The following DMD variants were observed in gnomAD, a reference collection of about 807,000 sequenced individuals.
DMD encodes mutant dystrophin.
Under a neutral mutation model 330.1 loss-of-function variants are expected in DMD, and 63 were observed. That is an observed-to-expected ratio of 0.19 (90% CI 0.16 to 0.24). The LOEUF (loss-of-function observed/expected upper bound fraction) is 0.24. Among genes scored for constraint, DMD ranks in the 10% least tolerant of loss-of-function variants. The pLI, the probability that DMD is intolerant of heterozygous loss-of-function variation, is 1.00. For missense variants in DMD, 3,344 were observed against 2,684.1 expected (o/e 1.25, Z -5.43); for synonymous variants, 1,223 against 959.8 (o/e 1.27, Z -5.07).
chrX:32,292,128 C>G (rs192991634), intron 42 of DMD, among the ~76,000 whole-genome samples: 2 of 109,664 alleles, frequency 1.8e-5, no homozygotes, highest in Non-Finnish European at 3.8e-5. Flanking sequence ...TATATAATCT[C>G]CAAGATCCAC....
At chrX:31,123,508 T>G (rs981548828) in intron 78 of DMD, among the ~76,000 whole-genome samples, 3 of 112,028 alleles carry the variant, frequency 2.7e-5, no homozygotes, top group African/African-American at 9.7e-5. Context: ...AGTGGGGCCT[T>G]TGCTGCTCCT....
At chrX:32,818,044 C>T (rs1190354722) in intron 5 of DMD, among the ~76,000 whole-genome samples, 1 of 111,846 alleles carries the variant, frequency 8.9e-6, no homozygotes, top group East Asian at 2.8e-4. Context: ...CAAATAATTA[C>T]GTAATTTGTC....
At chrX:31,802,351 G>T (rs892206222) in intron 50 of DMD, among the ~76,000 whole-genome samples, 15 of 111,143 alleles carry the variant, frequency 1.3e-4, no homozygotes, top group Admixed American at 9.6e-4. Context: ...AACCTGCATA[G>T]TGTTACAAGT....
rs1301041378 is a variant in DMD, at chrX:31,275,188, T to G, written c.9225-14172A>C. Among the ~76,000 whole-genome samples, 5 of 109,391 alleles carry G rather than the reference T, an allele frequency of 4.6e-5. No homozygotes were observed. The Admixed American group carries it at 4.9e-4, about 11-fold the overall frequency. The allele number at this position is 109,391 out of a possible 115,157, so 95.0% of individuals were successfully genotyped here. ...GTGTGTGTGTGTGTGTGTGTGTGTGTGTGTGTGTGTTCTTTTTGCTAGAAT... is the reference window on the plus strand; with the variant it reads ...GTGTGTGTGTGTGTGTGTGTGTGTGGGTGTGTGTGTTCTTTTTGCTAGAAT... On this transcript the variant is annotated intron_variant, in intron 62 of 78. Transcript: ENST00000357033.
intron 2 of DMD, among the ~76,000 whole-genome samples, chrX:32,859,458 A>ATC (rs1436566261): frequency 2.6e-5 from 2 of 78,062 alleles, no homozygotes; most frequent in African/African-American, 4.8e-5. Flanking sequence ...ACGAAGCAAG[A>ATC]TCTCACACAC....
chrX:31,415,333 G>A (rs1373624771), intron 60 of DMD, among the ~76,000 whole-genome samples: 1 of 112,115 alleles, frequency 8.9e-6, no homozygotes, highest in Non-Finnish European at 1.9e-5. Flanking sequence ...TGCTCTGCAC[G>A]GATAGTATTC....
rs1557051738 is a variant in DMD at position 32,815,494 on chromosome X, CATATAT to C, written c.530+968_530+973del. On this transcript the variant is annotated intron_variant, in intron 6 of 78. Transcript: ENST00000357033. Reference sequence around the variant, plus strand: ...TCTCTCTCAAATACACACACACAAGCATATATATATATATATATATATATATACACA... The same window carrying C: ...TCTCTCTCAAATACACACACACAAGCATATATATATATATATATATACACA... Among the ~76,000 whole-genome samples, 542 of 71,841 alleles carry C rather than the reference CATATAT, an allele frequency of 7.5e-3. 7 individuals are homozygous for C. The highest frequency in any genetic ancestry group is 0.029 in the African/African-American group (506 of 17,512). The allele number at this position is 71,841 out of a possible 115,157, so 62.4% of individuals were successfully genotyped here.
chrX:33,053,250 G>C (rs1252922327), intron 1 of DMD, among the ~76,000 whole-genome samples: 2 of 111,454 alleles, frequency 1.8e-5, no homozygotes. Context: ...ACTAATGAGG[G>C]ATAATGACAT....
chrX:32,931,470 A>T (rs2089590771), intron 2 of DMD, among the ~76,000 whole-genome samples: 1 of 111,862 alleles, frequency 8.9e-6, no homozygotes, highest in African/African-American at 3.2e-5. Flanking sequence ...AAATAGAGTA[A>T]CTGTGTTATT....
At chrX:31,630,697 A>G (rs902591723) in intron 54 of DMD, among the ~76,000 whole-genome samples, 3 of 111,545 alleles carry the variant, frequency 2.7e-5, no homozygotes, top group Non-Finnish European at 5.6e-5. Flanking sequence ...AAAAAAAGAT[A>G]TGTTCAGAAA....
At chrX:31,574,770 A>C (rs1172950792) in intron 55 of DMD, among the ~76,000 whole-genome samples, 1 of 111,149 alleles carries the variant, frequency 9.0e-6, no homozygotes, top group African/African-American at 3.3e-5. Flanking sequence ...AGCAAATTCC[A>C]CATCGTATTT....
chrX:32,564,493 G>A (rs1309100554), intron 16 of DMD, among the ~76,000 whole-genome samples: 1 of 111,523 alleles, frequency 9.0e-6, no homozygotes, highest in Non-Finnish European at 1.9e-5. Context: ...GCCATGGGCA[G>A]ATCACATAAA....
chrX:31,763,893 A>G (rs1017406568), intron 51 of DMD, among the ~76,000 whole-genome samples: 3 of 111,378 alleles, frequency 2.7e-5, no homozygotes, highest in Admixed American at 9.6e-5. Flanking sequence ...ATTCTTTTTT[A>G]GAAATGGAGT....
At chrX:31,725,796 G>A (rs779884212) in intron 52 of DMD, among the ~76,000 whole-genome samples, 11 of 112,109 alleles carry the variant, frequency 9.8e-5, no homozygotes, top group African/African-American at 2.9e-4. Context: ...AAATGTTACA[G>A]GAACGACATT....
chrX:32,872,344 C>A (rs2083066564), intron 2 of DMD, among the ~76,000 whole-genome samples: 1 of 111,878 alleles, frequency 8.9e-6, no homozygotes, highest in Admixed American at 9.5e-5. Flanking sequence ...TACCTCGAAC[C>A]ATCCTACCCC....
intron 9 of DMD, among the ~76,000 whole-genome samples, chrX:32,654,761 G>A (rs1245944300): frequency 5.4e-5 from 6 of 111,308 alleles, no homozygotes; most frequent in Non-Finnish European, 1.1e-4. Flanking sequence ...GTAGAATTCG[G>A]CTGTGAATCC....
At chrX:32,285,902 G>A (rs767806377) in intron 43 of DMD, among the ~76,000 whole-genome samples, 1 of 110,599 alleles carries the variant, frequency 9.0e-6, no homozygotes, top group Non-Finnish European at 1.9e-5. Context: ...GTTTCACCAT[G>A]TTGGCCAGGC....
At chrX:32,597,533 C>T (rs1313714968) in intron 12 of DMD, among the ~76,000 whole-genome samples, 1 of 111,667 alleles carries the variant, frequency 9.0e-6, no homozygotes, top group South Asian at 3.7e-4. Flanking sequence ...CTAACCTCAA[C>T]AGAAAATAAC....
chrX:32,731,264 C>G (rs1221743532), intron 7 of DMD, among the ~76,000 whole-genome samples: 2 of 112,354 alleles, frequency 1.8e-5, no homozygotes, highest in East Asian at 5.7e-4. Context: ...GGGTCCTACC[C>G]CAACGGAATC....
Sources: allele counts gnomAD v4.1 joint callset (sites outside exome capture counted in the v4.1 genomes callset), GRCh38; gene constraint gnomAD v4.1.1; transcripts MANE v1.5; gene names NCBI Gene and HGNC (gene_info 2026-07-23, HGNC 2026-07-21).